Variants in NR6A1 observed in about 807,000 individuals in gnomAD.
NR6A1 encodes nuclear receptor subfamily 6 group A member 1, also known as retinoic acid receptor-related testis-associated receptor.
NR6A1 carries 7 observed loss-of-function variants against 59.1 expected under a neutral mutation model. The observed-to-expected ratio is 0.12, with a 90% CI of 0.07 to 0.22. The LOEUF is 0.22. Ranked by LOEUF, NR6A1 falls within the 10% of genes least tolerant of loss-of-function variation. NR6A1 has a pLI of 1.00. For missense variants in NR6A1, 468 were observed against 611.6 expected (o/e 0.77, Z 2.48); for synonymous variants, 243 against 236.1 (o/e 1.03, Z -0.27).
intron 2 of NR6A1, among the ~76,000 whole-genome samples, chr9:124,643,372 G>A (rs928026454): frequency 3.9e-5 from 6 of 152,074 alleles, no homozygotes; most frequent in South Asian, 2.1e-4. Context: ...AGGCTGAGGC[G>A]GGTGGATCAC....
intron 1 of NR6A1, among the ~76,000 whole-genome samples, chr9:124,762,965 T>C (rs778870212): frequency 3.9e-5 from 6 of 152,236 alleles, no homozygotes; most frequent in African/African-American, 7.2e-5. Flanking sequence ...TTCCTTGATA[T>C]GACAGACTCA....
rs996410800 is a variant in NR6A1, at chr9:124,518,740, TTTTG to T, written c.*3961_*3964del. On this transcript the variant is annotated 3_prime_UTR_variant, in exon 10 of 10. Transcript: ENST00000487099. The stretch of plus-strand genomic sequence containing the variant: ...AAGAGTAGCGGATTTTTTTGTTAAA[TTTTG>T]TTTGTTTTTTGGGTTTTTTTTTTTT... 7.3e-5 allele frequency: 11 copies of T among 150,962 alleles called. No homozygotes were observed. The highest frequency in any genetic ancestry group is 1.2e-4 in the Non-Finnish European group (8 of 67,832). The allele number at this position is 150,962 out of a possible 1,614,324, so 9.4% of individuals were successfully genotyped here.
intron 2 of NR6A1, among the ~76,000 whole-genome samples, chr9:124,572,142 G>A (rs1026765810): frequency 3.3e-5 from 5 of 152,184 alleles, no homozygotes; most frequent in African/African-American, 9.6e-5. Flanking sequence ...GCTGAGGGAC[G>A]AGGCAAAAGG....
chr9:124,557,726 G>A (rs1352280679), intron 2 of NR6A1, among the ~76,000 whole-genome samples: 6 of 152,188 alleles, frequency 3.9e-5, no homozygotes, highest in African/African-American at 9.7e-5. Context: ...CTAGAGTGCT[G>A]AAAAGGCCTG....
At chr9:124,606,691 T>C (rs567078610) in intron 2 of NR6A1, among the ~76,000 whole-genome samples, 1 of 152,314 alleles carries the variant, frequency 6.6e-6, no homozygotes, top group Admixed American at 6.5e-5. Flanking sequence ...CAGTTCAAAC[T>C]AACTAAAATT....
chr9:124,730,940 G>C (rs952881805), intron 2 of NR6A1, among the ~76,000 whole-genome samples: 1 of 152,162 alleles, frequency 6.6e-6, no homozygotes, highest in African/African-American at 2.4e-5. Flanking sequence ...CTAGAGTCTA[G>C]AGAACTGGGT....
chr9:124,551,903 C>T (rs1456547546), intron 3 of NR6A1, among the ~76,000 whole-genome samples: 6 of 152,216 alleles, frequency 3.9e-5, no homozygotes, highest in Non-Finnish European at 7.3e-5. Context: ...ATCCTGCTTT[C>T]GCAGCACCAA....
chr9:124,647,627 T>C (rs1192258183), intron 2 of NR6A1, among the ~76,000 whole-genome samples: 1 of 147,950 alleles, frequency 6.8e-6, no homozygotes, highest in Non-Finnish European at 1.5e-5. Context: ...ACTCAGAAGC[T>C]GAGGCAGGGG....
At chr9:124,676,257 C>T (rs1450293178) in intron 2 of NR6A1, among the ~76,000 whole-genome samples, 1 of 152,036 alleles carries the variant, frequency 6.6e-6, no homozygotes, top group Non-Finnish European at 1.5e-5. Flanking sequence ...TAATTTGATC[C>T]ATACAGAAAA....
At chr9:124,612,010 G>A (rs1835766423) in intron 2 of NR6A1, among the ~76,000 whole-genome samples, 1 of 152,156 alleles carries the variant, frequency 6.6e-6, no homozygotes, top group African/African-American at 2.4e-5. Flanking sequence ...TGGGGTGCCA[G>A]TAGCTCACCA....
chr9:124,564,817 T>C (rs1834189563), intron 2 of NR6A1, among the ~76,000 whole-genome samples: 1 of 152,186 alleles, frequency 6.6e-6, no homozygotes. Context: ...CAACATTTAT[T>C]TTAAAGCTAT....
At chr9:124,624,311 G>A (rs552817083) in intron 2 of NR6A1, among the ~76,000 whole-genome samples, 2 of 152,218 alleles carry the variant, frequency 1.3e-5, no homozygotes, top group Non-Finnish European at 2.9e-5. Flanking sequence ...GATCACAGCC[G>A]TGGGTAAGCT....
At chr9:124,741,913 G>A (rs1371764012) in intron 1 of NR6A1, among the ~76,000 whole-genome samples, 5 of 152,156 alleles carry the variant, frequency 3.3e-5, no homozygotes, top group Admixed American at 1.3e-4. Flanking sequence ...TCGATATCAG[G>A]GAGAAGAGAA....
chr9:124,764,210 C>A (rs1840864130), intron 1 of NR6A1, among the ~76,000 whole-genome samples: 2 of 151,330 alleles, frequency 1.3e-5, no homozygotes, highest in East Asian at 1.9e-4. Context: ...AAAGAAAAAA[C>A]TATCTGGTTA....
chr9:124,575,827 CTAT>C (rs1165382309), intron 2 of NR6A1, among the ~76,000 whole-genome samples: 9 of 152,030 alleles, frequency 5.9e-5, no homozygotes, highest in Admixed American at 3.9e-4. Flanking sequence ...AACATGTGAG[CTAT>C]TATTATTATT....
chr9:124,553,097 A>G (rs887044595), intron 3 of NR6A1, among the ~76,000 whole-genome samples: 1 of 152,238 alleles, frequency 6.6e-6, no homozygotes, highest in African/African-American at 2.4e-5. Flanking sequence ...GTAACATACC[A>G]TCTTAAAGGT....
chr9:124,542,707 G>A (rs996269720), intron 4 of NR6A1, among the ~76,000 whole-genome samples: 15 of 152,130 alleles, frequency 9.9e-5, no homozygotes, highest in East Asian at 3.9e-4. Context: ...AACAATAATA[G>A]TTTTTTAAAA....
chr9:124,737,543 C>A (rs1460812597), intron 1 of NR6A1, among the ~76,000 whole-genome samples: 3 of 152,198 alleles, frequency 2.0e-5, no homozygotes, highest in Non-Finnish European at 2.9e-5. Context: ...TTAGATTCAA[C>A]TCAAAGGCAA....
At chr9:124,767,336 GTCA>G (rs1840963547) in intron 1 of NR6A1, among the ~76,000 whole-genome samples, 1 of 151,980 alleles carries the variant, frequency 6.6e-6, no homozygotes, top group Non-Finnish European at 1.5e-5. Flanking sequence ...TAGGAATCAT[GTCA>G]TCATATTTTG....
Sources: gnomAD v4.1 joint callset for allele counts (sites outside exome capture counted in the v4.1 genomes callset) on GRCh38, gnomAD v4.1.1 for gene constraint, MANE v1.5 for transcripts, NCBI Gene and HGNC (gene_info 2026-07-23, HGNC 2026-07-21) for gene names.